C12orf42: variants seen among roughly 807,000 people sequenced by gnomAD.
C12orf42 encodes chromosome 12 open reading frame 42, also known as uncharacterized protein C12orf42.
Under a neutral mutation model 21.6 loss-of-function variants are expected in C12orf42, and 25 were observed. The observed-to-expected ratio is 1.16, with a 90% confidence interval of 0.84 to 1.62. The LOEUF (loss-of-function observed/expected upper bound fraction) is 1.62. Among genes scored for constraint, C12orf42 ranks in the 40% most tolerant of loss-of-function variants. The probability of loss-of-function intolerance (pLI) is 0.00; values close to 1 mark genes in which losing one functional copy is unlikely to be tolerated. For missense variants in C12orf42, 483 were observed against 459.3 expected, an observed-to-expected ratio of 1.05 and a Z score of -0.47; for synonymous variants, 174 against 175.0, an observed-to-expected ratio of 0.99 and a Z score of 0.05.
chr12:103,222,462 G>T, the C12orf42 span, among the ~76,000 whole-genome samples: 1 of 152,126 alleles, frequency 6.6e-6, no homozygotes. Context: ...GTGGGGCAGG[G>T]CATATTCACT....
At chr12:103,144,662 T>A in the C12orf42 span, among the ~76,000 whole-genome samples, 1 of 150,152 alleles carries the variant, frequency 6.7e-6, no homozygotes, top group African/African-American at 2.5e-5. Flanking sequence ...AAAAAGAAGC[T>A]TTTTATGGGT....
the C12orf42 span, among the ~76,000 whole-genome samples, chr12:103,077,369 T>C: frequency 6.6e-6 from 1 of 152,162 alleles, no homozygotes; most frequent in Non-Finnish European, 1.5e-5. Context: ...CTAATAATAG[T>C]AGTAAGCAAA....
intron 4 of C12orf42, among the ~76,000 whole-genome samples, chr12:103,328,340 C>T (rs1184391100): frequency 6.6e-6 from 1 of 151,818 alleles, no homozygotes; most frequent in Non-Finnish European, 1.5e-5. Flanking sequence ...CTTAGCCCCA[C>T]CCAAGTTATA....
At chr12:103,155,825 ATG>A in the C12orf42 span, among the ~76,000 whole-genome samples, 1 of 150,810 alleles carries the variant, frequency 6.6e-6, no homozygotes, top group African/African-American at 2.4e-5. Context: ...ATATATAGAT[ATG>A]TGTGTATATA....
At chr12:103,399,903 G>T (rs1013618268) in intron 3 of C12orf42, among the ~76,000 whole-genome samples, 2 of 151,782 alleles carry the variant, frequency 1.3e-5, no homozygotes, top group African/African-American at 4.8e-5. Context: ...TGTTATATAT[G>T]ATATATGTTT....
At chr12:103,322,263 C>T (rs1033452014) in intron 4 of C12orf42, among the ~76,000 whole-genome samples, 8 of 152,150 alleles carry the variant, frequency 5.3e-5, no homozygotes. Flanking sequence ...GAAAATCACC[C>T]AAGGTGATAC....
At chr12:103,182,162 C>T in the C12orf42 span, among the ~76,000 whole-genome samples, 23 of 151,414 alleles carry the variant, frequency 1.5e-4, no homozygotes, top group African/African-American at 5.1e-4. Context: ...AAAAACCAGA[C>T]TTGCTCACTC....
intron 4 of C12orf42, among the ~76,000 whole-genome samples, chr12:103,330,340 C>A (rs1443973920): frequency 1.3e-5 from 2 of 152,122 alleles, no homozygotes; most frequent in African/African-American, 2.4e-5. Context: ...ATTGTTTTAT[C>A]TTATTTTGCA....
At chr12:103,362,107 AC>A (rs1452150558) in intron 4 of C12orf42, among the ~76,000 whole-genome samples, 1 of 152,116 alleles carries the variant, frequency 6.6e-6, no homozygotes, top group Non-Finnish European at 1.5e-5. Context: ...AGTCCATTTT[AC>A]CCCCCTGCCA....
intron 4 of C12orf42, among the ~76,000 whole-genome samples, chr12:103,362,559 C>T (rs2044212655): frequency 6.6e-6 from 1 of 151,678 alleles, no homozygotes; most frequent in Non-Finnish European, 1.5e-5. Flanking sequence ...TTAAGGAGCA[C>T]CAGAAAAAGG....
chr12:103,244,434 C>T (rs2033913296), intron 10 of C12orf42, among the ~76,000 whole-genome samples: 1 of 151,840 alleles, frequency 6.6e-6, no homozygotes, highest in African/African-American at 2.4e-5. Flanking sequence ...ACTCTAAGTA[C>T]TCCATGTACT....
At chr12:103,101,410 T>G in the C12orf42 span, among the ~76,000 whole-genome samples, 1 of 152,248 alleles carries the variant, frequency 6.6e-6, no homozygotes, top group Admixed American at 6.5e-5. Context: ...CATCTCATGA[T>G]AGTTTTTCCT....
chr12:103,452,985 T>C (rs9669232), intron 2 of C12orf42, among the ~76,000 whole-genome samples: 119,144 of 151,178 alleles, frequency 0.79, 47,396 homozygotes, highest in East Asian at 0.87. Context: ...TGTAACAAAC[T>C]TGCATGTCGT....
the C12orf42 span, among the ~76,000 whole-genome samples, chr12:103,131,318 C>T: frequency 3.3e-5 from 5 of 152,124 alleles, no homozygotes; most frequent in Non-Finnish European, 7.4e-5. Context: ...AAACCTGATG[C>T]AAAAATGTGA....
At position 103,250,491 on chromosome 12, in the gene C12orf42, C is replaced by A. The variant is rs1230502745; in HGVS notation, c.*1367-12589G>T. Among the ~76,000 whole-genome samples, 3 of 152,072 alleles carry A rather than the reference C, an allele frequency of 2.0e-5. No homozygotes were observed. The East Asian group carries it at 5.8e-4, about 29-fold the overall frequency. ...CACCCATCCTGAATAAACCAACCAT[C>A]ATGGCCACTGGGATGCAAAATGTTG... On this transcript the variant is annotated intron_variant and NMD_transcript_variant, in intron 10 of 10. Coordinates refer to the C12orf42 transcript ENST00000547347.
the C12orf42 span, among the ~76,000 whole-genome samples, chr12:103,527,986 T>C: frequency 6.6e-6 from 1 of 152,222 alleles, no homozygotes; most frequent in Non-Finnish European, 1.5e-5. Context: ...ATTTTCACAA[T>C]AGCCATTCAG....
chr12:103,106,948 T>C, the C12orf42 span, among the ~76,000 whole-genome samples: 1 of 151,886 alleles, frequency 6.6e-6, no homozygotes, highest in Non-Finnish European at 1.5e-5. Flanking sequence ...GAAAAGTGTA[T>C]ACCAGAAAAG....
At chr12:103,268,870 G>A (rs1218939580) in exon 7 of C12orf42, 1 of 152,104 alleles carries the variant, frequency 6.6e-6, no homozygotes, top group Admixed American at 6.6e-5. Flanking sequence ...TCTTTTGTGT[G>A]GAGACCCAGT....
downstream of C12orf42, among the ~76,000 whole-genome samples, chr12:103,265,097 C>A (rs1331888135): frequency 6.6e-6 from 1 of 152,062 alleles, no homozygotes; most frequent in African/African-American, 2.4e-5. Flanking sequence ...CACATTGTAT[C>A]CTCGCATGGC....
Sources: gnomAD v4.1 joint callset for allele counts (sites outside exome capture counted in the v4.1 genomes callset) on GRCh38, gnomAD v4.1.1 for gene constraint, MANE v1.5 for transcripts, NCBI Gene and HGNC (gene_info 2026-07-23, HGNC 2026-07-21) for gene names.